The following PLCB4 variants were observed in gnomAD, a reference collection of about 807,000 sequenced individuals.
The protein encoded by PLCB4 is 1-phosphatidylinositol 4,5-bisphosphate phosphodiesterase beta-4.
PLCB4 carries 77 observed loss-of-function variants against 178.8 expected under a neutral mutation model. That is an observed-to-expected ratio of 0.43 (90% CI 0.36 to 0.52). The LOEUF is 0.52. PLCB4 is among the 20% of genes least tolerant of loss of function. PLCB4 has a pLI of 0.00. For missense variants in PLCB4, 1,024 were observed against 1,453.4 expected, an observed-to-expected ratio of 0.70 and a Z score of 4.80; for synonymous variants, 496 against 490.8, an observed-to-expected ratio of 1.01 and a Z score of -0.14.
At chr20:9,408,122 C>T in intron 22 of PLCB4, 64 bp downstream of exon 22, 1 of 1,347,078 alleles carries the variant, frequency 7.4e-7, no homozygotes, top group Non-Finnish European at 1.0e-6. Flanking sequence ...TGCTGATGAG[C>T]TTTTATCTAA....
intron 2 of PLCB4, among the ~76,000 whole-genome samples, chr20:9,116,311 C>A (rs1176342009): frequency 6.6e-6 from 1 of 152,002 alleles, no homozygotes; most frequent in Non-Finnish European, 1.5e-5. Context: ...TTTTTATACT[C>A]TTGTCTCATG....
rs572960045 is a variant in PLCB4, at chr20:9,102,927, T to C, written c.-79+6585T>C. 5.3e-5 allele frequency among the ~76,000 whole-genome samples: 8 copies of C among 152,280 alleles called. No homozygotes were observed. The South Asian group carries it at 1.4e-3, about 28-fold the overall frequency. ...GCTTGGCTGTCACTTCCATATAAGC[T>C]ATGAAGGCAATGATGACAATTAAGT... On this transcript the variant is annotated intron_variant, in intron 2 of 39. Transcript: ENST00000378473.
chr20:9,086,171 A>C (rs2090405680), intron 1 of PLCB4, among the ~76,000 whole-genome samples: 1 of 152,350 alleles, frequency 6.6e-6, no homozygotes, highest in African/African-American at 2.4e-5. Context: ...AAAAGCCATC[A>C]TGATGAGAAA....
intron 2 of PLCB4, among the ~76,000 whole-genome samples, chr20:9,146,620 A>G (rs2092603379): frequency 6.6e-6 from 1 of 152,138 alleles, no homozygotes; most frequent in African/African-American, 2.4e-5. Flanking sequence ...AAGCAAGACA[A>G]AAGTATTTGG....
intron 4 of PLCB4, among the ~76,000 whole-genome samples, chr20:9,322,375 CCTAT>C (rs1322109544): frequency 2.0e-5 from 3 of 152,108 alleles, no homozygotes; most frequent in African/African-American, 7.2e-5. Flanking sequence ...AGCGAGAAAG[CCTAT>C]CTTTTTAATA....
At chr20:9,366,020 C>G in intron 9 of PLCB4, among the ~76,000 whole-genome samples, 1 of 152,126 alleles carries the variant, frequency 6.6e-6, no homozygotes, top group African/African-American at 2.4e-5. Flanking sequence ...TCTACATGTA[C>G]TGTAACTGAC....
chr20:9,116,619 A>G (rs1000627907), intron 2 of PLCB4, among the ~76,000 whole-genome samples: 2 of 152,278 alleles, frequency 1.3e-5, no homozygotes, highest in Admixed American at 6.5e-5. Flanking sequence ...AGCCATGACA[A>G]TAGCTTTATA....
chr20:9,362,013 C>T (rs560741830), intron 7 of PLCB4, among the ~76,000 whole-genome samples: 2 of 152,266 alleles, frequency 1.3e-5, no homozygotes, highest in South Asian at 4.1e-4. Context: ...AGATATTTTT[C>T]CTTCCTCAGC....
intron 1 of PLCB4, among the ~76,000 whole-genome samples, chr20:9,084,494 C>T (rs1238756653): frequency 8.0e-6 from 1 of 125,562 alleles, no homozygotes; most frequent in African/African-American, 3.0e-5. Context: ...TTAGTTGGTG[C>T]TTTCTCTTTG....
intron 3 of PLCB4, among the ~76,000 whole-genome samples, chr20:9,279,882 C>T (rs1490703528): frequency 6.6e-6 from 1 of 152,002 alleles, no homozygotes; most frequent in East Asian, 1.9e-4. Context: ...CACCTACCCA[C>T]GTTATGAAAA....
intron 3 of PLCB4, among the ~76,000 whole-genome samples, chr20:9,292,873 G>A (rs1402186629): frequency 3.9e-5 from 6 of 152,168 alleles, no homozygotes; most frequent in Non-Finnish European, 8.8e-5. Context: ...GAGGTCAGGA[G>A]TTTGAGACTA....
chr20:9,248,064 A>G (rs2094143369), intron 3 of PLCB4, among the ~76,000 whole-genome samples: 1 of 152,150 alleles, frequency 6.6e-6, no homozygotes, highest in Non-Finnish European at 1.5e-5. Context: ...AGTATTGTGG[A>G]CAATGTTTCT....
At chr20:9,459,446 AT>A (rs2043257184) in intron 34 of PLCB4, among the ~76,000 whole-genome samples, 188 bp from the exon 35 acceptor site, 1 of 152,246 alleles carries the variant, frequency 6.6e-6, no homozygotes, top group African/African-American at 2.4e-5. Flanking sequence ...CAATTGATTT[AT>A]TTTGATAAGC....
chr20:9,100,943 A>T (rs2091124563), intron 2 of PLCB4, among the ~76,000 whole-genome samples: 1 of 151,990 alleles, frequency 6.6e-6, no homozygotes, highest in African/African-American at 2.4e-5. Context: ...CCGTGGAGGG[A>T]TTCCTCATCC....
chr20:9,185,893 G>C (rs1378662241), intron 2 of PLCB4, among the ~76,000 whole-genome samples: 1 of 152,134 alleles, frequency 6.6e-6, no homozygotes, highest in African/African-American at 2.4e-5. Context: ...TATAAAGCTA[G>C]ATTTCTTATT....
intron 4 of PLCB4, among the ~76,000 whole-genome samples, chr20:9,326,974 C>T (rs900868653): frequency 1.3e-5 from 2 of 152,244 alleles, no homozygotes; most frequent in South Asian, 2.1e-4. Context: ...ATTTCTGCCT[C>T]ATATTATATA....
chr20:9,233,976 A>G (rs1209768165), intron 3 of PLCB4, among the ~76,000 whole-genome samples: 2 of 152,194 alleles, frequency 1.3e-5, no homozygotes, highest in African/African-American at 4.8e-5. Context: ...CAGAAAAGCC[A>G]GTTAGGTAGC....
At chr20:9,452,394 A>G (rs1347882668) in intron 32 of PLCB4, among the ~76,000 whole-genome samples, 1 of 152,218 alleles carries the variant, frequency 6.6e-6, no homozygotes, top group African/African-American at 2.4e-5. Context: ...GAGAGGGGTT[A>G]TATAACCTGA....
Position 9,338,276 on chromosome 20 carries a change from G to A in PLCB4, c.225+209G>A, listed in dbSNP as rs147832425. On this transcript the variant is annotated intron_variant, in intron 6 of 39. Coordinates refer to ENST00000378473, the MANE Select transcript of PLCB4 (RefSeq NM_001377142.1). ...GTGACTCTCCTCTGGTGAGAGAGAGGCTTTGTGGACAAGCAGACCCTAATA... is the reference window on the plus strand; with the variant it reads ...GTGACTCTCCTCTGGTGAGAGAGAGACTTTGTGGACAAGCAGACCCTAATA... Among the ~76,000 whole-genome samples the A allele has an allele frequency of 1.5e-3, 223 of 152,216 alleles. 1 individual carries two copies. The highest frequency in any genetic ancestry group is 9.1e-3 in the Admixed American group (139 of 15,280).
Sources: allele counts gnomAD v4.1 joint callset (sites outside exome capture counted in the v4.1 genomes callset), GRCh38; gene constraint gnomAD v4.1.1; transcripts MANE v1.5; gene names NCBI Gene and HGNC (gene_info 2026-07-23, HGNC 2026-07-21).